PCDHGA1: variants seen among roughly 807,000 people sequenced by gnomAD.
PCDHGA1 encodes the protein protocadherin gamma-A1.
PCDHGA1 carries 32 observed loss-of-function variants against 58.0 expected under a neutral mutation model. That is an observed-to-expected ratio of 0.55 (90% confidence interval 0.42 to 0.74). The LOEUF is 0.74. Ranked by LOEUF, PCDHGA1 falls within the 30% of genes least tolerant of loss-of-function variation. PCDHGA1 has a pLI of 0.00. For synonymous variants in PCDHGA1, 498 were observed against 501.1 expected (o/e 0.99, Z 0.08); for missense variants, 1,205 against 1,182.3 (o/e 1.02, Z -0.28).
chr5:141,339,973 C>T, intron 1 of PCDHGA1: 4 of 1,614,088 alleles, frequency 2.5e-6, no homozygotes, highest in Non-Finnish European at 3.4e-6. Flanking sequence ...CGAAGGTTAT[C>T]GTCACGGTTC....
intron 1 of PCDHGA1, chr5:141,352,201 G>A (rs1758945831): frequency 1.2e-6 from 2 of 1,613,806 alleles, no homozygotes; most frequent in African/African-American, 1.3e-5. Flanking sequence ...ATGGAGGACA[G>A]CCGCCACTCT....
chr5:141,456,157 A>G (rs1307977690), intron 1 of PCDHGA1, among the ~76,000 whole-genome samples: 3 of 152,052 alleles, frequency 2.0e-5, no homozygotes, highest in Admixed American at 1.3e-4. Context: ...TCGGCCTCCT[A>G]AAGTGCTGGG....
intron 1 of PCDHGA1, chr5:141,376,177 C>A (rs1772377034): frequency 6.2e-7 from 1 of 1,614,004 alleles, no homozygotes; most frequent in Non-Finnish European, 8.5e-7. Context: ...TGGCGGTGGC[C>A]GCGGTCTCCT....
intron 2 of PCDHGA1, among the ~76,000 whole-genome samples, chr5:141,497,219 A>G (rs974609491): frequency 6.7e-6 from 1 of 149,602 alleles, no homozygotes; most frequent in South Asian, 2.1e-4. Context: ...TGGGGGGGGG[A>G]AGATCAGAGA....
intron 1 of PCDHGA1, chr5:141,355,860 G>T (rs1289299237): frequency 2.5e-6 from 4 of 1,612,220 alleles, no homozygotes; most frequent in Non-Finnish European, 3.4e-6. Flanking sequence ...GAGGTGACCC[G>T]GTTCGCTCTG....
chr5:141,449,681 G>A (rs2098651836), intron 1 of PCDHGA1, among the ~76,000 whole-genome samples: 1 of 149,394 alleles, frequency 6.7e-6, no homozygotes, highest in Non-Finnish European at 1.5e-5. Context: ...ATGTATATAT[G>A]TTTGTGTGTA....
intron 1 of PCDHGA1, chr5:141,422,844 G>A: frequency 6.2e-7 from 1 of 1,614,238 alleles, no homozygotes; most frequent in Non-Finnish European, 8.5e-7. Context: ...GTGACAGCGG[G>A]GACCCGCCCC....
At chr5:141,340,970 A>G in intron 1 of PCDHGA1, 1 of 1,613,732 alleles carries the variant, frequency 6.2e-7, no homozygotes, top group East Asian at 2.2e-5. Flanking sequence ...CGTGGCCGAC[A>G]GGATCCCCGA....
chr5:141,384,594 G>A (rs769496358), intron 1 of PCDHGA1: 6 of 1,614,162 alleles, frequency 3.7e-6, no homozygotes, highest in East Asian at 2.2e-5. Context: ...TCCTGTACCC[G>A]GCCCTCCCCA....
intron 1 of PCDHGA1, among the ~76,000 whole-genome samples, chr5:141,447,378 T>C (rs2098536967): frequency 6.6e-6 from 1 of 152,148 alleles, no homozygotes; most frequent in Non-Finnish European, 1.5e-5. Context: ...ACCCTGGTGA[T>C]CTGCCCACCT....
chr5:141,332,887 A>G lies in PCDHGA1; in HGVS notation c.2203A>G (p.Met735Val). 6.2e-7 allele frequency: 1 copy of G among 1,614,194 alleles called. No homozygotes were observed. Among genetic ancestry groups the G allele is most frequent in the Non-Finnish European group, 8.5e-7 (1 of 1,180,026 alleles). Residue 735 changes from methionine to valine, a missense_variant, in exon 1 of 4, where the codon ATG (methionine) becomes GTG (valine). Met to Val is a conservative substitution (Grantham distance 21). Coordinates refer to ENST00000517417, the MANE Select transcript of PCDHGA1 (RefSeq NM_018912.3). The surrounding 1 kb of genome is among the most constrained non-coding windows in gnomAD (Gnocchi z 4.6). Reference protein sequence around the residue: ...LQASGGGLASMPGSHFVGVDG... With the variant: ...LQASGGGLASVPGSHFVGVDG... ...GGCTTCGGGAGGCGGCTTAGCGAGCATGCCCGGTTCGCACTTTGTGGGCGT... is the reference window on the plus strand; with the variant it reads ...GGCTTCGGGAGGCGGCTTAGCGAGCGTGCCCGGTTCGCACTTTGTGGGCGT...
rs1474643025 is a variant in PCDHGA1 at position 141,370,777 on chromosome 5, AC to A, written c.2421+37673del. 10 of 1,613,896 alleles carry A rather than the reference AC, an allele frequency of 6.2e-6. No homozygotes were observed. The African/African-American group carries it at 1.2e-4, about 19-fold the overall frequency. ...ACTGTGCTGATCCAGGATATTAACG[AC>A]AACCCACCGACCTTTAGCCAAAATA... On this transcript the variant is annotated intron_variant, in intron 1 of 3. Transcript: ENST00000517417.
chr5:141,345,440 C>G (rs748487318), intron 1 of PCDHGA1: 2 of 1,614,078 alleles, frequency 1.2e-6, no homozygotes, highest in South Asian at 2.2e-5. Flanking sequence ...CCAGAGGAGC[C>G]TCCATCTTCT....
chr5:141,360,388 C>T, intron 1 of PCDHGA1: 3 of 1,613,908 alleles, frequency 1.9e-6, no homozygotes, highest in Non-Finnish European at 2.5e-6. Flanking sequence ...CGGAGACTTA[C>T]TTGTGAGTGA....
intron 1 of PCDHGA1, chr5:141,421,468 C>G: frequency 1.2e-6 from 2 of 1,614,096 alleles, no homozygotes; most frequent in Non-Finnish European, 1.7e-6. Flanking sequence ...TGTGAATCCG[C>G]GAAGCGGCAG....
intron 1 of PCDHGA1, chr5:141,385,324 G>A (rs1781124607): frequency 1.2e-6 from 2 of 1,607,160 alleles, no homozygotes; most frequent in Non-Finnish European, 1.7e-6. Flanking sequence ...AAGTATTCAG[G>A]TGAGCCCAGC....
chr5:141,419,540 C>A (rs999461892), intron 1 of PCDHGA1: 4 of 1,612,018 alleles, frequency 2.5e-6, no homozygotes. Flanking sequence ...CAACGCACCG[C>A]GGGTGCTGTA....
At chr5:141,469,700 T>TA (rs1483261429) in intron 1 of PCDHGA1, among the ~76,000 whole-genome samples, 1 of 152,272 alleles carries the variant, frequency 6.6e-6, no homozygotes, top group African/African-American at 2.4e-5. Context: ...TATGACCTAG[T>TA]AATCACACTA....
intron 1 of PCDHGA1, chr5:141,384,677 C>T (rs919957351): frequency 2.5e-6 from 4 of 1,614,188 alleles, no homozygotes; most frequent in South Asian, 1.1e-5. Context: ...AAGGTGGTGG[C>T]GGTGGACAAA....
Sources: allele counts gnomAD v4.1 joint callset (sites outside exome capture counted in the v4.1 genomes callset), GRCh38; gene constraint gnomAD v4.1.1; non-coding constraint Gnocchi (gnomAD v3.1); transcripts MANE v1.5; gene names NCBI Gene and HGNC (gene_info 2026-07-23, HGNC 2026-07-21).